The following KCNQ3 variants were observed in gnomAD, a reference collection of about 807,000 sequenced individuals.
KCNQ3 encodes potassium voltage-gated channel subfamily Q member 3, also known as potassium voltage-gated channel subfamily KQT member 3.
In KCNQ3, 30 loss-of-function variants were observed where a neutral mutation model predicts 92.5. That is an observed-to-expected ratio of 0.32 (90% CI 0.24 to 0.44). The LOEUF is 0.44. Among genes scored for constraint, KCNQ3 ranks in the 20% least tolerant of loss-of-function variants. The pLI is 1.00. For synonymous variants in KCNQ3, 450 were observed against 468.8 expected (o/e 0.96, Z 0.52); for missense variants, 913 against 1,140.3 (o/e 0.80, Z 2.87).
Position 132,153,952 on chromosome 8 carries a change from C to A in KCNQ3, c.1262+9516G>T, listed in dbSNP as rs924417409. The stretch of plus-strand genomic sequence containing the variant: ...GTAGCCATTCATCTTCAGTCTGTAC[C>A]CCTTTCAAATGCATCCTGAACCCCT... On this transcript the variant is annotated intron_variant, in intron 9 of 14. Transcript: ENST00000388996. Among the ~76,000 whole-genome samples the A allele has an allele frequency of 1.6e-4, 24 of 151,776 alleles. 1 individual carries two copies. Among genetic ancestry groups the A allele is most frequent in the Admixed American group, 8.5e-4 (13 of 15,234 alleles).
intron 1 of KCNQ3, among the ~76,000 whole-genome samples, chr8:132,210,088 T>C (rs1349702108): frequency 2.6e-5 from 4 of 152,224 alleles, no homozygotes; most frequent in Admixed American, 2.6e-4. Context: ...TAGCTGTGAA[T>C]TAAAATCACC....
At chr8:132,353,825 ACAAACAAG>A (rs1192812115) in intron 1 of KCNQ3, among the ~76,000 whole-genome samples, 2 of 152,180 alleles carry the variant, frequency 1.3e-5, no homozygotes, top group African/African-American at 4.8e-5. Flanking sequence ...AAACAAACAA[ACAAACAAG>A]CAAACAAACA....
rs149753827 is a variant in KCNQ3, at chr8:132,429,031, G to A, written c.386+51116C>T. 2.8e-3 allele frequency among the ~76,000 whole-genome samples: 430 copies of A among 152,320 alleles called. 1 individual carries two copies. Among genetic ancestry groups the A allele is most frequent in the Middle Eastern group, 0.01 (3 of 294 alleles). Reference sequence around the variant, plus strand: ...AGCCATTCCAGACCATCAACTAGGGGAAGACATTGGCACTTGGAGCAATGC... The same window carrying A: ...AGCCATTCCAGACCATCAACTAGGGAAAGACATTGGCACTTGGAGCAATGC... On this transcript the variant is annotated intron_variant, in intron 1 of 14. Transcript: ENST00000388996.
chr8:132,198,177 C>G (rs1275772804), intron 1 of KCNQ3, among the ~76,000 whole-genome samples: 3 of 152,174 alleles, frequency 2.0e-5, no homozygotes, highest in Non-Finnish European at 4.4e-5. Context: ...AGTATAGAAC[C>G]AAATGTGGCC....
intron 1 of KCNQ3, among the ~76,000 whole-genome samples, chr8:132,310,969 T>A (rs1051566384): frequency 6.7e-6 from 1 of 148,504 alleles, no homozygotes; most frequent in African/African-American, 2.5e-5. Context: ...TGAGATGGAG[T>A]CTAGCTCTGT....
intron 1 of KCNQ3, among the ~76,000 whole-genome samples, chr8:132,225,519 G>T (rs1814383258): frequency 6.6e-6 from 1 of 152,190 alleles, no homozygotes; most frequent in African/African-American, 2.4e-5. Context: ...GGGACAATAT[G>T]AAAGATTTTT....
intron 1 of KCNQ3, among the ~76,000 whole-genome samples, chr8:132,234,928 A>G (rs1444236167): frequency 1.3e-5 from 2 of 152,186 alleles, no homozygotes; most frequent in African/African-American, 2.4e-5. Flanking sequence ...TACAGTCCAG[A>G]ATGTAAATCA....
chr8:132,353,170 G>A (rs2130708098), intron 1 of KCNQ3, among the ~76,000 whole-genome samples: 1 of 152,236 alleles, frequency 6.6e-6, no homozygotes, highest in East Asian at 1.9e-4. Flanking sequence ...CGGTTGCAGT[G>A]AGCCGAGATC....
intron 1 of KCNQ3, among the ~76,000 whole-genome samples, chr8:132,444,536 C>T (rs1449022906): frequency 6.6e-6 from 1 of 152,196 alleles, no homozygotes; most frequent in South Asian, 2.1e-4. Flanking sequence ...AATCATGTAA[C>T]TTTTCTGTGC....
chr8:132,333,106 T>G (rs1285956571), intron 1 of KCNQ3, among the ~76,000 whole-genome samples: 1 of 152,188 alleles, frequency 6.6e-6, no homozygotes, highest in East Asian at 1.9e-4. Flanking sequence ...GTAGACAGGG[T>G]TCCATTGGCA....
chr8:132,158,076 T>C (rs1293937275), intron 9 of KCNQ3, among the ~76,000 whole-genome samples: 2 of 152,206 alleles, frequency 1.3e-5, no homozygotes, highest in East Asian at 3.9e-4. Context: ...GGGATCCCTC[T>C]GAGGTTAAAT....
At chr8:132,152,139 A>T (rs1001407541) in intron 9 of KCNQ3, among the ~76,000 whole-genome samples, 8 of 152,210 alleles carry the variant, frequency 5.3e-5, no homozygotes, top group African/African-American at 1.9e-4. Flanking sequence ...AGACACTCTC[A>T]AATACAGGTT....
intron 1 of KCNQ3, among the ~76,000 whole-genome samples, chr8:132,211,496 G>A (rs2130300746): frequency 6.6e-6 from 1 of 152,182 alleles, no homozygotes; most frequent in South Asian, 2.1e-4. Context: ...TGCCTGTTTA[G>A]TTCAATACTC....
intron 8 of KCNQ3, among the ~76,000 whole-genome samples, chr8:132,167,589 G>A (rs1586792121): frequency 6.6e-6 from 1 of 152,166 alleles, no homozygotes; most frequent in East Asian, 1.9e-4. Flanking sequence ...GGAATTCAGG[G>A]ACATTCTTTT....
At chr8:132,137,514 A>T (rs1825140813) in intron 12 of KCNQ3, among the ~76,000 whole-genome samples, 1 of 152,248 alleles carries the variant, frequency 6.6e-6, no homozygotes, top group South Asian at 2.1e-4. Context: ...TACCTGATGA[A>T]CATTTTTAAA....
intron 1 of KCNQ3, among the ~76,000 whole-genome samples, chr8:132,290,992 C>T (rs57736176): frequency 6.6e-6 from 1 of 152,030 alleles, no homozygotes; most frequent in Non-Finnish European, 1.5e-5. Flanking sequence ...TAAAAGAAGA[C>T]GAGATTTCAA....
intron 1 of KCNQ3, among the ~76,000 whole-genome samples, chr8:132,191,260 T>C (rs989013491): frequency 6.6e-6 from 1 of 152,148 alleles, no homozygotes; most frequent in East Asian, 1.9e-4. Context: ...GATCCTCCCA[T>C]CTGTAGTAGC....
At chr8:132,299,684 A>G (rs935596924) in intron 1 of KCNQ3, among the ~76,000 whole-genome samples, 3 of 152,262 alleles carry the variant, frequency 2.0e-5, no homozygotes, top group African/African-American at 7.2e-5. Flanking sequence ...AAATTAAATG[A>G]CATGCCCTGG....
rs1020863573 is a variant in KCNQ3 at position 132,170,208 on chromosome 8, A to G, written c.1235+126T>C. 22 of 746,892 alleles carry G rather than the reference A, an allele frequency of 2.9e-5. 2 individuals carry two copies. Among genetic ancestry groups the G allele is most frequent in the Admixed American group, 9.9e-5 (5 of 50,712 alleles). 46.3% of individuals were successfully genotyped at this position (746,892 alleles called of 1,614,324 possible). ...AAGCTACCAGATAATTCTAGGGTGC[A>G]GCCCAAATTGGGGAACATTGCCCTG... On this transcript the variant is annotated intron_variant, in intron 8 of 14. Coordinates refer to ENST00000388996, the MANE Select transcript of KCNQ3 (RefSeq NM_004519.4).
Sources: gnomAD v4.1 joint callset for allele counts (sites outside exome capture counted in the v4.1 genomes callset) on GRCh38, gnomAD v4.1.1 for gene constraint, MANE v1.5 for transcripts, NCBI Gene and HGNC (gene_info 2026-07-23, HGNC 2026-07-21) for gene names.